AFF2: variants seen among roughly 807,000 people sequenced by gnomAD.
AFF2 encodes AF4/FMR2 family member 2.
A neutral mutation model predicts 76.9 loss-of-function variants in AFF2; 14 were observed. That is an observed-to-expected ratio of 0.18 (90% CI 0.12 to 0.28). The LOEUF is 0.28. Among genes scored for constraint, AFF2 ranks in the 10% least tolerant of loss-of-function variants. AFF2 has a pLI of 1.00. For missense variants in AFF2, 868 were observed against 1,001.1 expected (o/e 0.87, Z 1.79); for synonymous variants, 398 against 366.7 (o/e 1.09, Z -0.98).
At position 148,824,015 on chromosome X, in the gene AFF2, G is replaced by A. The variant is rs781849988; in HGVS notation, c.1087-13632G>A. 3.4e-3 allele frequency among the ~76,000 whole-genome samples: 378 copies of A among 110,189 alleles called. 1 individual carries two copies. The highest frequency in any genetic ancestry group is 0.012 in the African/African-American group (365 of 30,073). ...AGACCGTTGAATGGCCCTTTTAGGAGAGAAATGGTACTATAAAAACCCAGG... is the reference window on the plus strand; with the variant it reads ...AGACCGTTGAATGGCCCTTTTAGGAAAGAAATGGTACTATAAAAACCCAGG... On this transcript the variant is annotated intron_variant, in intron 4 of 20. Coordinates refer to ENST00000370460, the MANE Select transcript of AFF2 (RefSeq NM_002025.4).
chrX:148,932,805 T>G (rs1389830130), intron 9 of AFF2, among the ~76,000 whole-genome samples: 1 of 112,178 alleles, frequency 8.9e-6, no homozygotes, highest in African/African-American at 3.2e-5. Flanking sequence ...CACTTTTACA[T>G]CTATTCGCAT....
chrX:148,816,752 G>A (rs2070269245), intron 4 of AFF2, among the ~76,000 whole-genome samples: 1 of 110,642 alleles, frequency 9.0e-6, no homozygotes, highest in Non-Finnish European at 1.9e-5. Context: ...CAAGTAGCCT[G>A]TAGGGCTGAT....
At chrX:148,652,353 CT>C (rs1372855653) in intron 2 of AFF2, among the ~76,000 whole-genome samples, 4 of 111,706 alleles carry the variant, frequency 3.6e-5, no homozygotes, top group Non-Finnish European at 5.6e-5. Context: ...TGAAGAGAGA[CT>C]TGTGAGACTT....
At chrX:148,754,545 C>T (rs1290606255) in intron 3 of AFF2, among the ~76,000 whole-genome samples, 1 of 111,147 alleles carries the variant, frequency 9.0e-6, no homozygotes, top group African/African-American at 3.3e-5. Flanking sequence ...GGGATCCAAA[C>T]ATCTGACCTT....
chrX:148,655,278 C>A (rs1305053537), intron 2 of AFF2, among the ~76,000 whole-genome samples: 1 of 62,322 alleles, frequency 1.6e-5, no homozygotes, highest in African/African-American at 6.6e-5. Flanking sequence ...TGGGGAAAAA[C>A]CTTGTCCTTT....
At chrX:148,693,629 T>C (rs945742401) in intron 3 of AFF2, among the ~76,000 whole-genome samples, 4 of 112,178 alleles carry the variant, frequency 3.6e-5, no homozygotes, top group African/African-American at 1.3e-4. Context: ...TTGACTCAAC[T>C]TGATGTCTGT....
intron 7 of AFF2, among the ~76,000 whole-genome samples, chrX:148,858,262 T>A (rs1048461331): frequency 9.0e-6 from 1 of 111,563 alleles, no homozygotes; most frequent in East Asian, 2.8e-4. Flanking sequence ...TGGTGTAGTT[T>A]GGCTGCATGA....
chrX:148,796,002 A>G (rs1369646755), intron 3 of AFF2, among the ~76,000 whole-genome samples: 2 of 103,066 alleles, frequency 1.9e-5, no homozygotes, highest in African/African-American at 7.0e-5. Flanking sequence ...TACTAATTGC[A>G]TTATTTAAAT....
intron 2 of AFF2, 45 bp from the exon 3 acceptor site, chrX:148,661,863 C>G (rs1160542288): frequency 8.8e-7 from 1 of 1,130,763 alleles, no homozygotes; most frequent in Non-Finnish European, 1.2e-6. Context: ...AAACACAAAC[C>G]TATTCATTCT....
intron 3 of AFF2, among the ~76,000 whole-genome samples, chrX:148,788,890 G>A (rs1374115905): frequency 8.9e-6 from 1 of 111,875 alleles, no homozygotes; most frequent in Admixed American, 9.5e-5. Flanking sequence ...CAAGCCTTGG[G>A]TGGTTATGTT....
chrX:148,879,993 C>T (rs782235525), intron 7 of AFF2, among the ~76,000 whole-genome samples: 4 of 112,287 alleles, frequency 3.6e-5, no homozygotes, highest in African/African-American at 9.7e-5. Context: ...ATCAGGCCCA[C>T]GTGCCCATGG....
chrX:148,669,624 C>T (rs189358942), intron 3 of AFF2, among the ~76,000 whole-genome samples: 1 of 111,086 alleles, frequency 9.0e-6, no homozygotes, highest in East Asian at 2.9e-4. Context: ...CTGACTATCA[C>T]GAGAACAGCA....
chrX:148,853,479 C>G (rs1557275613), intron 7 of AFF2, among the ~76,000 whole-genome samples: 1 of 111,679 alleles, frequency 9.0e-6, no homozygotes, highest in Non-Finnish European at 1.9e-5. Context: ...ATTACTCAGA[C>G]TCTGTAGCGA....
chrX:148,685,844 T>C (rs1557260298), intron 3 of AFF2, among the ~76,000 whole-genome samples: 1 of 110,765 alleles, frequency 9.0e-6, no homozygotes, highest in East Asian at 2.8e-4. Flanking sequence ...GGCTTTGACA[T>C]AGAATGTGTC....
At chrX:148,875,899 A>G (rs1288562950) in intron 7 of AFF2, among the ~76,000 whole-genome samples, 1 of 111,762 alleles carries the variant, frequency 8.9e-6, no homozygotes, top group Non-Finnish European at 1.9e-5. Flanking sequence ...TTGATGATAT[A>G]TAGTTCAGTT....
intron 9 of AFF2, 89 bp downstream of exon 9, chrX:148,904,347 T>G: frequency 1.7e-6 from 1 of 577,990 alleles, no homozygotes; most frequent in South Asian, 2.8e-5. Flanking sequence ...GACCTTGGAT[T>G]TTGAGTTAAT....
chrX:148,642,051 G>T (rs1481344676), intron 1 of AFF2, among the ~76,000 whole-genome samples: 3 of 112,290 alleles, frequency 2.7e-5, no homozygotes, highest in African/African-American at 9.7e-5. Context: ...CCTTGTTAGG[G>T]CAAGAGGGAG....
At chrX:148,843,610 C>T (rs1213935438) in intron 7 of AFF2, among the ~76,000 whole-genome samples, 177 bp downstream of exon 7, 1 of 111,342 alleles carries the variant, frequency 9.0e-6, no homozygotes, top group Non-Finnish European at 1.9e-5. Context: ...TTGTCTTAGT[C>T]TACTTGGACT....
At chrX:148,852,389 GTTTTTTT>G (rs33916305) in intron 7 of AFF2, among the ~76,000 whole-genome samples, 1 of 78,842 alleles carries the variant, frequency 1.3e-5, no homozygotes, top group Admixed American at 1.6e-4. Flanking sequence ...CCAGCAGCTG[GTTTTTTT>G]TTTTTTTTTT....
Sources: gnomAD v4.1 joint callset for allele counts (sites outside exome capture counted in the v4.1 genomes callset) on GRCh38, gnomAD v4.1.1 for gene constraint, MANE v1.5 for transcripts, NCBI Gene and HGNC (gene_info 2026-07-23, HGNC 2026-07-21) for gene names.